The following ALDH1A3 variants were observed in gnomAD, a reference collection of about 807,000 sequenced individuals.
The protein encoded by ALDH1A3 is aldehyde dehydrogenase 1 family member A3.
A neutral mutation model predicts 57.5 loss-of-function variants in ALDH1A3; 28 were observed. That is an observed-to-expected ratio of 0.49 (90% CI 0.36 to 0.67). ALDH1A3 has a LOEUF of 0.67. ALDH1A3 is among the 30% of genes least tolerant of loss of function. The pLI is 0.00. For missense variants in ALDH1A3, 507 were observed against 669.4 expected (o/e 0.76, Z 2.68); for synonymous variants, 281 against 264.8 (o/e 1.06, Z -0.59).
chr15:100,898,282 A>ATG, intron 8 of ALDH1A3, 97 bp downstream of exon 8: 1 of 1,063,254 alleles, frequency 9.4e-7, no homozygotes, highest in Non-Finnish European at 1.4e-6. Context: ...TGAGAGTAAG[A>ATG]TGTGTGCACA....
At chr15:100,899,846 C>A (rs1041284634) in intron 8 of ALDH1A3, among the ~76,000 whole-genome samples, 1 of 152,238 alleles carries the variant, frequency 6.6e-6, no homozygotes, top group Non-Finnish European at 1.5e-5. Flanking sequence ...GGATCACCTT[C>A]CAATGCCCAG....
At chr15:100,885,655 CTTTTT>C (rs4646657) in intron 2 of ALDH1A3, among the ~76,000 whole-genome samples, 1 of 138,338 alleles carries the variant, frequency 7.2e-6, no homozygotes, top group Non-Finnish European at 1.6e-5. Flanking sequence ...TTTCTTTTTT[CTTTTT>C]TTTTTTTTTT....
chr15:100,903,360 C>T (rs1265017435), intron 9 of ALDH1A3, among the ~76,000 whole-genome samples: 1 of 152,166 alleles, frequency 6.6e-6, no homozygotes, highest in Non-Finnish European at 1.5e-5. Context: ...ACTGGAAGAG[C>T]TCTTTATACC....
chr15:100,890,853 A>G (rs901703446), intron 3 of ALDH1A3, among the ~76,000 whole-genome samples: 2 of 152,182 alleles, frequency 1.3e-5, no homozygotes, highest in Admixed American at 6.5e-5. Flanking sequence ...TTTTTGCACT[A>G]TTTGCAATTG....
At position 100,900,655 on chromosome 15, in the gene ALDH1A3, G is replaced by T; in HGVS notation, c.964G>T (p.Val322Leu). ...QCCTAASRVF[V>L]EEQVYSEFVR... ...TTGCACGGCAGCCTCCAGGGTGTTCGTGGAGGAGCAGGTCTACTCTGAGTT... is the reference window on the plus strand; with the variant it reads ...TTGCACGGCAGCCTCCAGGGTGTTCTTGGAGGAGCAGGTCTACTCTGAGTT... Residue 322 changes from valine (V) to leucine (L), a missense_variant, in exon 9 of 13, where the codon GTG becomes TTG. Around this residue, in one of 2 missense-constraint regions of ALDH1A3, gnomAD observed 432 missense variants for 608.4 expected, o/e 0.71. Transcript: ENST00000329841. 6.2e-7 allele frequency: 1 copy of T among 1,613,848 alleles called. No homozygotes were observed. The highest frequency in any genetic ancestry group is 8.5e-7 in the Non-Finnish European group (1 of 1,179,922).
Position 100,885,655 on chromosome 15 carries a change from C to CTT in ALDH1A3, c.204+299_204+300dup, listed in dbSNP as rs4646657. 0.044 allele frequency among the ~76,000 whole-genome samples: 6,022 copies of CTT among 138,304 alleles called. 239 individuals are homozygous for CTT. Among genetic ancestry groups the CTT allele is most frequent in the African/African-American group, 0.096 (3,639 of 37,914 alleles). The allele number at this position is 138,304 out of a possible 152,430, so 90.7% of individuals were successfully genotyped here. On this transcript the variant is annotated intron_variant, in intron 2 of 12. Transcript: ENST00000329841. ...GGCTAAAGGAAAGGTTTTCTTTTTT[C>CTT]TTTTTTTTTTTTTTTTATCAATTAT... is the stretch of plus-strand genomic sequence containing the variant.
Position 100,895,829 on chromosome 15 carries a change from T to C in ALDH1A3, c.667-104T>C, listed in dbSNP as rs118163011. 4,660 of 1,008,334 alleles carry C rather than the reference T, an allele frequency of 4.6e-3. 75 individuals are homozygous for C. Among genetic ancestry groups the C allele is most frequent in the East Asian group, 0.044 (1,666 of 38,078 alleles). The allele number at this position is 1,008,334 out of a possible 1,614,324, so 62.5% of individuals were successfully genotyped here. On this transcript the variant is annotated intron_variant, in intron 6 of 12. Coordinates refer to ENST00000329841, the MANE Select transcript of ALDH1A3 (RefSeq NM_000693.4). ...CTGGGTAAATCCAGCCCGGCCCGGG[T>C]TCCCTGTGGGGATGTGAGGCAGCCA...
chr15:100,901,247 G>A (rs2041765607), intron 9 of ALDH1A3, among the ~76,000 whole-genome samples: 3 of 152,144 alleles, frequency 2.0e-5, no homozygotes, highest in Admixed American at 2.0e-4. Flanking sequence ...GATGAGTTTG[G>A]GAAGCCAAGG....
chr15:100,909,781 C>T (rs1449165592), intron 12 of ALDH1A3, among the ~76,000 whole-genome samples: 1 of 152,220 alleles, frequency 6.6e-6, no homozygotes, highest in East Asian at 1.9e-4. Context: ...ACTGTCTTCT[C>T]TCCCCAGCTC....
In ALDH1A3 at chr15:100,906,778, A is replaced by G. The variant is rs2041826727; in HGVS notation, c.1234-343A>G. On this transcript the variant is annotated intron_variant, in intron 10 of 12. Coordinates refer to ENST00000329841, the MANE Select transcript of ALDH1A3 (RefSeq NM_000693.4). This position sits in a 1 kb window ranked among gnomAD's most constrained non-coding sequence, Gnocchi z 4.8. ...CAGATATCCTTCAGGACAACTCCGA[A>G]AAAAGTTACCTAAAGGTTTTGTGTT... Among the ~76,000 whole-genome samples the G allele has an allele frequency of 6.6e-6, 1 of 152,220 alleles. No individual in the cohort carries two copies. The highest frequency in any genetic ancestry group is 1.5e-5 in the Non-Finnish European group (1 of 68,040).
Position 100,879,845 on chromosome 15 carries a change from T to C in ALDH1A3, c.-63T>C. 8.3e-7 allele frequency: 1 copy of C among 1,208,376 alleles called. No homozygotes were observed. The highest frequency in any genetic ancestry group is 1.1e-6 in the Non-Finnish European group (1 of 941,778). The allele number at this position is 1,208,376 out of a possible 1,614,324, so 74.9% of individuals were successfully genotyped here. A position where few individuals can be genotyped will look rare whatever the true frequency, so the allele number is the denominator to read the frequency against. On this transcript the variant is annotated 5_prime_UTR_variant, in exon 1 of 13. Transcript: ENST00000329841. ...GCCACCCCGGGAGCGGGCTGCGCAG[T>C]GTCCGGGCCGAGCCGGTGCGCCGCA...
rs1042194315 is a variant in ALDH1A3 at position 100,893,457 on chromosome 15, C to T, written c.537+451C>T. 5 of 172,012 alleles carry T rather than the reference C, an allele frequency of 2.9e-5. No homozygotes were observed. The highest frequency in any genetic ancestry group is 1.7e-4 in the South Asian group (1 of 5,928). The allele number at this position is 172,012 out of a possible 1,614,324, so 10.7% of individuals were successfully genotyped here. ...AAAAGTGAGGAAAAGGGTGAGCACA[C>T]GTGGCAGGTGGTGTGGGCCAGCTTC... On this transcript the variant is annotated intron_variant, in intron 5 of 12. Coordinates refer to ENST00000329841, the MANE Select transcript of ALDH1A3 (RefSeq NM_000693.4). This position sits in a 1 kb window ranked among gnomAD's most constrained non-coding sequence, Gnocchi z 4.8.
At chr15:100,905,389 A>T in intron 9 of ALDH1A3, 134 bp from the exon 10 acceptor site, 2 of 1,105,736 alleles carry the variant, frequency 1.8e-6, no homozygotes, top group Non-Finnish European at 2.6e-6. Flanking sequence ...AAGGCTCATT[A>T]GTTACATGGA....
rs2041608898 is a variant in ALDH1A3, at chr15:100,887,576, A to G, written c.209A>G (p.Asp70Gly). The G allele has an allele frequency of 3.1e-6, 5 of 1,594,622 alleles. No homozygotes were observed. Residue 70 changes from aspartate (D) to glycine (G), a missense_variant, in exon 3 of 13, where the codon GAC becomes GGC. By Grantham distance (94) the Asp-to-Gly change is moderately conservative. Around this residue, in one of 2 missense-constraint regions of ALDH1A3, gnomAD observed 432 missense variants for 608.4 expected, o/e 0.71. Coordinates refer to ENST00000329841, the MANE Select transcript of ALDH1A3 (RefSeq NM_000693.4). The surrounding 1 kb of genome is among the most constrained non-coding windows in gnomAD (Gnocchi z 4.6). ...TCTGTTGTTCTGGTCGCTCAGCCCGACGTGGACAAGGCTGTGGAGGCTGCA... is the reference window on the plus strand; with the variant it reads ...TCTGTTGTTCTGGTCGCTCAGCCCGGCGTGGACAAGGCTGTGGAGGCTGCA... ...ICEVEEGDKP[D>G]VDKAVEAAQV...
At chr15:100,908,231 T>G (rs2041845676) in intron 11 of ALDH1A3, among the ~76,000 whole-genome samples, 177 bp from the exon 12 acceptor site, 1 of 152,158 alleles carries the variant, frequency 6.6e-6, no homozygotes, top group Admixed American at 6.5e-5. Context: ...AAATTTTAGT[T>G]GCTGATGAGA....
In ALDH1A3 at chr15:100,906,877, A is replaced by G. The variant is rs902807383; in HGVS notation, c.1234-244A>G. On this transcript the variant is annotated intron_variant, in intron 10 of 12. Coordinates refer to ENST00000329841, the MANE Select transcript of ALDH1A3 (RefSeq NM_000693.4). The surrounding 1 kb of genome is among the most constrained non-coding windows in gnomAD (Gnocchi z 4.8). ...AACCCTGATGACAACAAGACATCTT[A>G]AACACAACATATATTTTTTGTTATT... Among the ~76,000 whole-genome samples, 1 of 152,234 alleles carries G rather than the reference A, an allele frequency of 6.6e-6. No homozygotes were observed.
At chr15:100,897,956 G>C in intron 7 of ALDH1A3, 127 bp from the exon 8 acceptor site, 1 of 753,828 alleles carries the variant, frequency 1.3e-6, no homozygotes, top group African/African-American at 1.7e-5. Context: ...GGGGCCTGGA[G>C]CGCCTGGGCC....
chr15:100,909,358 C>T (rs961109059), intron 12 of ALDH1A3, among the ~76,000 whole-genome samples: 3 of 147,920 alleles, frequency 2.0e-5, no homozygotes, highest in African/African-American at 5.1e-5. Context: ...AAACCCTCCA[C>T]GTGTGCATGT....
chr15:100,891,654 C>T (rs1055863268), intron 3 of ALDH1A3, among the ~76,000 whole-genome samples: 1 of 152,218 alleles, frequency 6.6e-6, no homozygotes, highest in Non-Finnish European at 1.5e-5. Context: ...CTTCCTTTTT[C>T]AATCACCATC....
Sources: allele counts gnomAD v4.1 joint callset (sites outside exome capture counted in the v4.1 genomes callset), GRCh38; gene constraint gnomAD v4.1.1; regional missense constraint gnomAD v4.1.1; non-coding constraint Gnocchi (gnomAD v3.1); transcripts MANE v1.5; gene names NCBI Gene and HGNC (gene_info 2026-07-23, HGNC 2026-07-21).